The following TPTE variants were observed in gnomAD, a reference collection of about 807,000 sequenced individuals.
TPTE encodes transmembrane phosphatase with tensin homology, also known as putative tyrosine-protein phosphatase TPTE.
Under a neutral mutation model 84.1 loss-of-function variants are expected in TPTE, and 59 were observed. The observed-to-expected ratio is 0.70, with a 90% CI of 0.57 to 0.87. The LOEUF (loss-of-function observed/expected upper bound fraction) is 0.87, where lower values mean the gene tolerates loss of function less well. Ranked by LOEUF, TPTE falls within the 40% of genes least tolerant of loss-of-function variation. The probability of loss-of-function intolerance (pLI) is 0.00; values close to 1 mark genes in which losing one functional copy is unlikely to be tolerated. For missense variants in TPTE, 382 were observed against 659.6 expected, an observed-to-expected ratio of 0.58 and a Z score of 4.61; for synonymous variants, 130 against 223.5, an observed-to-expected ratio of 0.58 and a Z score of 3.73.
intron 4 of TPTE, among the ~76,000 whole-genome samples, chr21:10,539,547 A>T (rs929767004): frequency 6.6e-6 from 1 of 152,308 alleles, no homozygotes; most frequent in Non-Finnish European, 1.5e-5. Context: ...TCTGTCGTGC[A>T]TTGGCCAGCT....
In TPTE at chr21:10,564,694, A is replaced by G. The variant is rs560842918; in HGVS notation, c.447-2976A>G. ...GTCTCTGGGATGCAAGGATGGTTCA[A>G]CATTTGTAAATCAATCAATGCGATA... On this transcript the variant is annotated intron_variant, in intron 10 of 23. Coordinates refer to ENST00000618007, the MANE Select transcript of TPTE (RefSeq NM_199261.4). 8.5e-5 allele frequency among the ~76,000 whole-genome samples: 13 copies of G among 152,422 alleles called. No individual in the cohort carries two copies. The South Asian group carries it at 1.9e-3, about 22-fold the overall frequency.
chr21:10,531,859 G>A (rs1324564971), intron 3 of TPTE, among the ~76,000 whole-genome samples: 1 of 152,306 alleles, frequency 6.6e-6, no homozygotes, highest in African/African-American at 2.4e-5. Flanking sequence ...GTTAGGTGGG[G>A]ATTTGGTTTC....
chr21:10,553,471 A>G (rs935520497), intron 8 of TPTE, among the ~76,000 whole-genome samples: 21 of 152,282 alleles, frequency 1.4e-4, no homozygotes, highest in African/African-American at 4.8e-4. Flanking sequence ...TGAATTTGCC[A>G]CTGAATTAAA....
intron 4 of TPTE, among the ~76,000 whole-genome samples, chr21:10,540,353 A>C (rs1194927381): frequency 6.6e-6 from 1 of 152,430 alleles, no homozygotes; most frequent in African/African-American, 2.4e-5. Flanking sequence ...GAGTCCTCTC[A>C]GAATGAGCTT....
chr21:10,548,624 C>T (rs2074516250), intron 7 of TPTE, among the ~76,000 whole-genome samples: 1 of 152,310 alleles, frequency 6.6e-6, no homozygotes, highest in East Asian at 1.9e-4. Context: ...AGTCATTTGA[C>T]TGTATCCCAG....
intron 14 of TPTE, among the ~76,000 whole-genome samples, chr21:10,576,799 C>T (rs2075160210): frequency 1.3e-5 from 2 of 149,986 alleles, no homozygotes; most frequent in Non-Finnish European, 3.0e-5. Context: ...TAAATTATAA[C>T]TACTATTTGT....
chr21:10,596,123 G>T (rs768318894), intron 20 of TPTE, 36 bp downstream of exon 20: 1 of 1,613,150 alleles, frequency 6.2e-7, no homozygotes, highest in African/African-American at 1.3e-5. Flanking sequence ...AATTGGGCAG[G>T]AGGGCCAATG....
At chr21:10,537,767 T>C (rs531990733) in intron 3 of TPTE, among the ~76,000 whole-genome samples, 2 of 152,430 alleles carry the variant, frequency 1.3e-5, no homozygotes, top group East Asian at 3.8e-4. Flanking sequence ...ATATACCATT[T>C]ATATATACCT....
chr21:10,546,039 CTTTAT>C (rs1182525189), intron 7 of TPTE, among the ~76,000 whole-genome samples: 2 of 152,290 alleles, frequency 1.3e-5, no homozygotes, highest in Non-Finnish European at 2.9e-5. Flanking sequence ...TTTTATTGTG[CTTTAT>C]TTTATTGCCC....
At chr21:10,557,816 TG>T (rs1161307496) in intron 8 of TPTE, among the ~76,000 whole-genome samples, 262 of 152,170 alleles carry the variant, frequency 1.7e-3, no homozygotes, top group African/African-American at 6.1e-3. Context: ...TCAGGGAGGT[TG>T]TTTTTTTTTA....
chr21:10,548,660 GC>G (rs1204601055), intron 7 of TPTE, among the ~76,000 whole-genome samples: 3 of 152,302 alleles, frequency 2.0e-5, no homozygotes, highest in Non-Finnish European at 4.4e-5. Flanking sequence ...CTCTTGGCCA[GC>G]CCTGGCAAAG....
chr21:10,531,474 A>G (rs1259119268), intron 3 of TPTE, among the ~76,000 whole-genome samples: 1 of 152,304 alleles, frequency 6.6e-6, no homozygotes, highest in Non-Finnish European at 1.5e-5. Context: ...CTTCTTGTGC[A>G]GCACACAACT....
intron 7 of TPTE, among the ~76,000 whole-genome samples, chr21:10,545,518 A>G (rs2074449104): frequency 6.6e-6 from 1 of 152,306 alleles, no homozygotes; most frequent in African/African-American, 2.4e-5. Flanking sequence ...CCCGGATAAA[A>G]TGACATCAGT....
chr21:10,554,309 C>A (rs1447169348), intron 8 of TPTE, among the ~76,000 whole-genome samples: 1 of 152,306 alleles, frequency 6.6e-6, no homozygotes, highest in Non-Finnish European at 1.5e-5. Context: ...GAGGCTAAAT[C>A]TCTGTATATT....
In TPTE at chr21:10,563,562, CTTA is replaced by C. The variant is rs780020503; in HGVS notation, c.446+2376_446+2378del. ...TTTTCTTTTTACTTGTTTATGAAAA[CTTA>C]TTATAAGATTAAAATAATGGATTAT... is the stretch of plus-strand genomic sequence containing the variant. On this transcript the variant is annotated intron_variant, in intron 10 of 23. Coordinates refer to ENST00000618007, the MANE Select transcript of TPTE (RefSeq NM_199261.4). Among the ~76,000 whole-genome samples, 85 of 152,362 alleles carry C rather than the reference CTTA, an allele frequency of 5.6e-4. No individual in the cohort carries two copies. The East Asian group carries it at 0.013, about 23-fold the overall frequency.
intron 22 of TPTE, among the ~76,000 whole-genome samples, chr21:10,603,095 C>T (rs1346461349): frequency 6.6e-6 from 1 of 152,294 alleles, no homozygotes; most frequent in Non-Finnish European, 1.5e-5. Context: ...GGATCAGTCA[C>T]ATGGAGAAAC....
At chr21:10,579,948 C>T (rs553348594) in intron 17 of TPTE, among the ~76,000 whole-genome samples, 30 of 152,368 alleles carry the variant, frequency 2.0e-4, no homozygotes, top group Middle Eastern at 3.4e-3. Context: ...CTGTTTTCCA[C>T]AATAACTACT....
intron 8 of TPTE, among the ~76,000 whole-genome samples, chr21:10,553,484 G>C (rs1465760912): frequency 2.0e-5 from 3 of 152,290 alleles, no homozygotes; most frequent in Non-Finnish European, 4.4e-5. Flanking sequence ...GAATTAAACT[G>C]TGTGTCTGCA....
At chr21:10,540,002 C>T (rs1282173009) in intron 4 of TPTE, among the ~76,000 whole-genome samples, 1 of 151,364 alleles carries the variant, frequency 6.6e-6, no homozygotes, top group African/African-American at 2.4e-5. Context: ...GAGTGAGACT[C>T]TGTCTCAAAA....
Sources: gnomAD v4.1 joint callset for allele counts (sites outside exome capture counted in the v4.1 genomes callset) on GRCh38, gnomAD v4.1.1 for gene constraint, MANE v1.5 for transcripts, NCBI Gene and HGNC (gene_info 2026-07-23, HGNC 2026-07-21) for gene names.